Variants in LRP1B observed in about 807,000 individuals in gnomAD.
LRP1B encodes low-density lipoprotein receptor-related protein 1B.
In LRP1B, 217 loss-of-function variants were observed where a neutral mutation model predicts 556.6. That is an observed-to-expected ratio of 0.39 (90% confidence interval 0.35 to 0.44). The LOEUF (loss-of-function observed/expected upper bound fraction) is 0.44. LRP1B is among the 20% of genes least tolerant of loss of function. The probability of loss-of-function intolerance (pLI) is 1.00; values close to 1 mark genes in which losing one functional copy is unlikely to be tolerated. For synonymous variants in LRP1B, 2,047 were observed against 1,865.8 expected, an observed-to-expected ratio of 1.10 and a Z score of -2.50; for missense variants, 5,053 against 5,620.8, an observed-to-expected ratio of 0.90 and a Z score of 3.23.
Position 141,810,184 on chromosome 2 carries a change from A to T in LRP1B, c.205+95T>A, listed in dbSNP as rs545705981. On this transcript the variant is annotated intron_variant, in intron 2 of 90. Coordinates refer to ENST00000389484, the MANE Select transcript of LRP1B (RefSeq NM_018557.3). ...AAGAAAGAAGGAAAGAAAGAAAGAA[A>T]GAATCATCTAGAACAGCAGTCATCT... 4.6e-5 allele frequency: 46 copies of T among 996,338 alleles called. 1 individual carries two copies. Among genetic ancestry groups the T allele is most frequent in the Middle Eastern group, 4.6e-4 (2 of 4,328 alleles). 61.7% of individuals were successfully genotyped at this position (996,338 alleles called of 1,614,324 possible). A position where few individuals can be genotyped will look rare whatever the true frequency, so the allele number is the denominator to read the frequency against.
chr2:141,349,332 C>G (rs1011249122), intron 3 of LRP1B, among the ~76,000 whole-genome samples: 2 of 151,994 alleles, frequency 1.3e-5, no homozygotes, highest in African/African-American at 4.8e-5. Flanking sequence ...GTCACTCTCT[C>G]AAAGGTCTGT....
In LRP1B at chr2:141,535,921, A is replaced by G. The variant is rs370266388; in HGVS notation, c.206-55388T>C. Among the ~76,000 whole-genome samples, 127 of 152,238 alleles carry G rather than the reference A, an allele frequency of 8.3e-4. 1 individual carries two copies. The highest frequency in any genetic ancestry group is 1.7e-3 in the South Asian group (8 of 4,832). The stretch of plus-strand genomic sequence containing the variant: ...TCTGCAATTATTATTTACTTTATCA[A>G]CATTGACAACTGCATAGCCTAAGTT... On this transcript the variant is annotated intron_variant, in intron 2 of 90. Transcript: ENST00000389484.
At chr2:141,162,540 C>G (rs1680082901) in intron 7 of LRP1B, among the ~76,000 whole-genome samples, 1 of 151,912 alleles carries the variant, frequency 6.6e-6, no homozygotes, top group Admixed American at 6.6e-5. Context: ...TATCTTTGAC[C>G]CAAGTGTATC....
chr2:141,957,811 T>C (rs968357502), intron 1 of LRP1B, among the ~76,000 whole-genome samples: 4 of 152,190 alleles, frequency 2.6e-5, no homozygotes, highest in Admixed American at 2.0e-4. Context: ...AGATAAGCTA[T>C]TAGGATTTTG....
rs75080149 is a variant in LRP1B, at chr2:140,808,918, T to C, written c.5359+4739A>G. Among the ~76,000 whole-genome samples the C allele has an allele frequency of 5.6e-4, 86 of 152,228 alleles. No individual in the cohort carries two copies. The East Asian group carries it at 0.016, about 28-fold the overall frequency. ...CTTCGTAGAAAATCCTGTATCCTGT[T>C]CTCCACAGAAGGGGCTTATTCTCCT... On this transcript the variant is annotated intron_variant, in intron 32 of 90. Transcript: ENST00000389484.
intron 2 of LRP1B, among the ~76,000 whole-genome samples, chr2:141,670,084 G>C (rs551756985): frequency 1.3e-5 from 2 of 152,048 alleles, no homozygotes; most frequent in Non-Finnish European, 2.9e-5. Context: ...ATTAATAAAC[G>C]AAGTGAAAAA....
intron 3 of LRP1B, among the ~76,000 whole-genome samples, chr2:141,441,139 C>T (rs114273249): frequency 0.041 from 6,271 of 151,862 alleles, 183 homozygotes; most frequent in Non-Finnish European, 0.058. Flanking sequence ...TGCAATGGTA[C>T]GATCTTGGTT....
chr2:141,600,698 C>A (rs1376926337), intron 2 of LRP1B, among the ~76,000 whole-genome samples: 2 of 152,090 alleles, frequency 1.3e-5, no homozygotes, highest in Admixed American at 6.6e-5. Flanking sequence ...AGAAAAATTT[C>A]TTTATTCATT....
At chr2:141,791,086 T>G (rs1316931563) in intron 2 of LRP1B, among the ~76,000 whole-genome samples, 2 of 151,988 alleles carry the variant, frequency 1.3e-5, no homozygotes, top group Non-Finnish European at 2.9e-5. Flanking sequence ...TTTGATATTT[T>G]TATCTCTATC....
At chr2:141,038,050 A>G (rs1328185147) in intron 11 of LRP1B, among the ~76,000 whole-genome samples, 2 of 152,080 alleles carry the variant, frequency 1.3e-5, no homozygotes, top group Non-Finnish European at 2.9e-5. Context: ...TACCTCTTCC[A>G]ATCAATGTTG....
chr2:140,277,501 C>G (rs1267534129), intron 84 of LRP1B, among the ~76,000 whole-genome samples: 1 of 151,826 alleles, frequency 6.6e-6, no homozygotes, highest in South Asian at 2.1e-4. Flanking sequence ...GCAGGAGAAT[C>G]GCTTGAACCC....
At chr2:141,162,678 A>T (rs1195343932) in intron 7 of LRP1B, among the ~76,000 whole-genome samples, 1 of 152,138 alleles carries the variant, frequency 6.6e-6, no homozygotes, top group Non-Finnish European at 1.5e-5. Flanking sequence ...CAGTTTAATT[A>T]TATTCTGGCT....
intron 3 of LRP1B, among the ~76,000 whole-genome samples, chr2:141,331,019 A>G (rs1687623777): frequency 6.6e-6 from 1 of 151,938 alleles, no homozygotes; most frequent in African/African-American, 2.4e-5. Flanking sequence ...CGGCCTCCCA[A>G]AGTGCTGGGA....
intron 66 of LRP1B, among the ~76,000 whole-genome samples, chr2:140,399,755 T>C (rs1047753055): frequency 6.6e-6 from 1 of 152,166 alleles, no homozygotes; most frequent in African/African-American, 2.4e-5. Flanking sequence ...GTAAAGACTT[T>C]ATGGAAAAGC....
chr2:141,046,301 C>G (rs1698868636), intron 11 of LRP1B, among the ~76,000 whole-genome samples: 1 of 152,122 alleles, frequency 6.6e-6, no homozygotes, highest in East Asian at 1.9e-4. Flanking sequence ...GCCTCGCAGT[C>G]TTCAGGTTGA....
chr2:141,499,859 ATTTG>A (rs1295571313), intron 2 of LRP1B, among the ~76,000 whole-genome samples: 1 of 152,078 alleles, frequency 6.6e-6, no homozygotes, highest in Non-Finnish European at 1.5e-5. Flanking sequence ...CAAATCTTGA[ATTTG>A]TTTATTACCA....
chr2:142,089,015 G>A (rs1706061136), intron 1 of LRP1B, among the ~76,000 whole-genome samples: 1 of 147,986 alleles, frequency 6.8e-6, no homozygotes, highest in Non-Finnish European at 1.5e-5. Flanking sequence ...AAAAGTTACT[G>A]ACTTATATAC....
intron 7 of LRP1B, among the ~76,000 whole-genome samples, chr2:141,151,054 T>C (rs185621523): frequency 1.3e-3 from 197 of 152,284 alleles, no homozygotes; most frequent in Non-Finnish European, 2.2e-3. Context: ...ATTCACACTA[T>C]CAAGGAATTT....
intron 60 of LRP1B, among the ~76,000 whole-genome samples, chr2:140,460,482 C>T (rs1687272371): frequency 6.6e-6 from 1 of 152,174 alleles, no homozygotes; most frequent in Admixed American, 6.5e-5. Flanking sequence ...AAAGTAGTCA[C>T]TGTTGCCTAA....
Sources: gnomAD v4.1 joint callset for allele counts (sites outside exome capture counted in the v4.1 genomes callset) on GRCh38, gnomAD v4.1.1 for gene constraint, MANE v1.5 for transcripts, NCBI Gene and HGNC (gene_info 2026-07-23, HGNC 2026-07-21) for gene names.